The following HIVEP1 variants were observed in gnomAD, a reference collection of about 807,000 sequenced individuals.
HIVEP1 encodes zinc finger protein 40.
HIVEP1 carries 36 observed loss-of-function variants against 180.0 expected under a neutral mutation model. The observed-to-expected ratio is 0.20, with a 90% CI of 0.15 to 0.26. The LOEUF (loss-of-function observed/expected upper bound fraction) is 0.26. HIVEP1 is among the 10% of genes least tolerant of loss of function. The pLI is 1.00. For missense variants in HIVEP1, 3,143 were observed against 3,268.7 expected, an observed-to-expected ratio of 0.96 and a Z score of 0.94; for synonymous variants, 1,239 against 1,239.0, an observed-to-expected ratio of 1.00 and a Z score of 0.00.
chr6:12,083,298 T>C (rs968745030), intron 2 of HIVEP1, among the ~76,000 whole-genome samples: 1 of 152,196 alleles, frequency 6.6e-6, no homozygotes, highest in African/African-American at 2.4e-5. Flanking sequence ...CAACATTCTC[T>C]TGTATAGAAA....
chr6:12,041,579 A>C (rs1453333451), intron 2 of HIVEP1, among the ~76,000 whole-genome samples: 1 of 151,412 alleles, frequency 6.6e-6, no homozygotes, highest in African/African-American at 2.4e-5. Flanking sequence ...CATTACATGC[A>C]GATTTTAATT....
intron 3 of HIVEP1, among the ~76,000 whole-genome samples, chr6:12,118,778 T>C (rs1270233749): frequency 6.6e-6 from 1 of 152,244 alleles, no homozygotes; most frequent in Non-Finnish European, 1.5e-5. Flanking sequence ...TTTCATAATT[T>C]TCTGTTCATT....
At position 12,122,236 on chromosome 6, in the gene HIVEP1, T is replaced by C; in HGVS notation, c.2441T>C (p.Phe814Ser). 1 of 1,614,240 alleles carries C rather than the reference T, an allele frequency of 6.2e-7. No individual in the cohort carries two copies. Among genetic ancestry groups the C allele is most frequent in the Non-Finnish European group, 8.5e-7 (1 of 1,180,036 alleles). Residue 814 changes from phenylalanine to serine, a missense_variant, in exon 4 of 9, where the codon TTC becomes TCC. Phe to Ser is a radical substitution (Grantham distance 155). Around this residue, in one of 12 missense-constraint regions of HIVEP1, gnomAD observed 204 missense variants for 243.7 expected, o/e 0.84. Transcript: ENST00000379388. The part of the protein sequence containing the change: ...SSSSDIPKSP[F>S]TPTEKSKQVF... The stretch of plus-strand genomic sequence containing the variant: ...AGCTCTGATATACCGAAGTCACCTT[T>C]CACCCCTACTGAAAAATCAAAGCAA...
intron 2 of HIVEP1, among the ~76,000 whole-genome samples, chr6:12,054,233 T>C (rs77708625): frequency 0.011 from 1,682 of 152,348 alleles, 34 homozygotes; most frequent in African/African-American, 0.038. Context: ...CCAAGGTTTA[T>C]GCTGTGGAAA....
intron 2 of HIVEP1, among the ~76,000 whole-genome samples, chr6:12,032,189 G>T (rs1371506618): frequency 6.9e-6 from 1 of 145,380 alleles, no homozygotes; most frequent in Admixed American, 6.9e-5. Context: ...CGCCCAGGCT[G>T]GAGTGTAGTG....
intron 7 of HIVEP1, among the ~76,000 whole-genome samples, chr6:12,136,464 A>G (rs1310078647): frequency 1.3e-5 from 2 of 152,140 alleles, no homozygotes; most frequent in Non-Finnish European, 2.9e-5. Context: ...TGCAGGAAAC[A>G]ATTCTTCCCT....
rs752653367 is a variant in HIVEP1, at chr6:12,124,767, A to G, written c.4972A>G (p.Ile1658Val). The G allele has an allele frequency of 1.1e-5, 18 of 1,614,182 alleles. No homozygotes were observed. Among genetic ancestry groups the G allele is most frequent in the Non-Finnish European group, 8.5e-6 (10 of 1,180,034 alleles). ...TGCTACACTCACATCCCTGCCACAA[A>G]TACTAGTGACCCAAGATCTGCCCAA... Reference protein sequence around the residue: ...CFATLTSLPQILVTQDLPNQP... With the variant: ...CFATLTSLPQVLVTQDLPNQP... The change falls in exon 4 of 9, where the codon ATA becomes GTA. Residue 1658 changes from isoleucine (I) to valine (V), a missense_variant. Coordinates refer to ENST00000379388, the MANE Select transcript of HIVEP1 (RefSeq NM_002114.4).
In HIVEP1 at chr6:12,123,103, C is replaced by T. The variant is rs1245841723; in HGVS notation, c.3308C>T (p.Thr1103Ile). 1 of 1,614,004 alleles carries T rather than the reference C, an allele frequency of 6.2e-7. No homozygotes were observed. The highest frequency in any genetic ancestry group is 8.5e-7 in the Non-Finnish European group (1 of 1,180,008). ...CTTGTTGCCAGGGGCCCTGAGCAGA[C>T]CATGGATCCCAAGCTGTCGACCATC... ...IHLVARGPEQ[T>I]MDPKLSTIME... The change falls in exon 4 of 9, where the codon ACC becomes ATC. Residue 1103 changes from threonine (T) to isoleucine (I), a missense_variant. Around this residue, in one of 12 missense-constraint regions of HIVEP1, gnomAD observed 1,357 missense variants for 1,260.5 expected, o/e 1.08. Transcript: ENST00000379388.
chr6:12,034,933 G>A (rs1369710565), intron 2 of HIVEP1, among the ~76,000 whole-genome samples: 1 of 152,162 alleles, frequency 6.6e-6, no homozygotes, highest in Non-Finnish European at 1.5e-5. Flanking sequence ...AATGTAGTTG[G>A]AAAAATAATG....
At chr6:12,035,603 C>T (rs1017344634) in intron 2 of HIVEP1, among the ~76,000 whole-genome samples, 1 of 152,080 alleles carries the variant, frequency 6.6e-6, no homozygotes, top group Admixed American at 6.6e-5. Flanking sequence ...TATTTTTTAA[C>T]ATTTAATCGT....
Position 12,161,803 on chromosome 6 carries a change from T to G in HIVEP1, c.6852T>G (p.Asp2284Glu), listed in dbSNP as rs371440064. 41 of 1,614,056 alleles carry G rather than the reference T, an allele frequency of 2.5e-5. No individual in the cohort carries two copies. The African/African-American group carries it at 3.9e-4, about 15-fold the overall frequency. ...AGGCCAGGCAGCGTGCTGCGAGAGA[T>G]GAAAACGACACAATTCCGTCTGTAG... ...PGKARQRAARDENDTIPSVDT... is the reference protein window; with the variant it reads ...PGKARQRAAREENDTIPSVDT... The change falls in exon 8 of 9, where the codon GAT becomes GAG. Residue 2284 changes from aspartate to glutamate, a missense_variant. Physicochemically the swap from Asp to Glu is conservative, Grantham distance 45. This residue lies in a region of HIVEP1 where 595 missense variants were observed against 602.2 expected (regional missense o/e 0.99). Coordinates refer to ENST00000379388, the MANE Select transcript of HIVEP1 (RefSeq NM_002114.4).
downstream of HIVEP1, among the ~76,000 whole-genome samples, chr6:12,169,034 C>T (rs1051146591): frequency 6.6e-6 from 1 of 152,116 alleles, no homozygotes. Flanking sequence ...ATTGCAGGCA[C>T]ACACCACCAC....
intron 2 of HIVEP1, among the ~76,000 whole-genome samples, chr6:12,032,287 C>A (rs145995464): frequency 6.6e-6 from 1 of 151,760 alleles, no homozygotes; most frequent in Non-Finnish European, 1.5e-5. Flanking sequence ...ACTACAAGAG[C>A]GCCACCATGC....
At chr6:12,043,229 C>G (rs528975614) in intron 2 of HIVEP1, among the ~76,000 whole-genome samples, 2 of 152,166 alleles carry the variant, frequency 1.3e-5, no homozygotes, top group East Asian at 3.9e-4. Flanking sequence ...ATTCTCAAGT[C>G]TCTGTTTTTA....
At position 12,104,430 on chromosome 6, in the gene HIVEP1, T is replaced by C. The variant is rs1381141636; in HGVS notation, c.94+15193T>C. On this transcript the variant is annotated intron_variant, in intron 3 of 8. Transcript: ENST00000379388. ...TCTCTCTCTCCTTTTCTTTCCTTTT[T>C]TTTTTTTTTTTTTTTTTTTCTGAGA... Among the ~76,000 whole-genome samples, 12 of 119,668 alleles carry C rather than the reference T, an allele frequency of 1.0e-4. No individual in the cohort carries two copies. The East Asian group carries it at 1.5e-3, about 15-fold the overall frequency. The allele number at this position is 119,668 out of a possible 152,430, so 78.5% of individuals were successfully genotyped here. A position where few individuals can be genotyped will look rare whatever the true frequency, so the allele number is the denominator to read the frequency against.
intron 3 of HIVEP1, among the ~76,000 whole-genome samples, chr6:12,113,670 C>A (rs1301901847): frequency 1.3e-5 from 2 of 152,184 alleles, no homozygotes; most frequent in African/African-American, 4.8e-5. Context: ...AATACCTTTT[C>A]CATCCTATCT....
intron 2 of HIVEP1, among the ~76,000 whole-genome samples, chr6:12,019,909 G>A (rs1292198036): frequency 1.3e-5 from 2 of 152,192 alleles, no homozygotes; most frequent in Non-Finnish European, 2.9e-5. Flanking sequence ...ACATATTAAA[G>A]TATTAGGCAA....
At chr6:12,156,768 G>A (rs1437316767) in intron 7 of HIVEP1, among the ~76,000 whole-genome samples, 1 of 152,120 alleles carries the variant, frequency 6.6e-6, no homozygotes, top group Non-Finnish European at 1.5e-5. Context: ...CTCAGAATAT[G>A]GTATGTACTG....
chr6:12,114,179 A>C (rs1290020721), intron 3 of HIVEP1, among the ~76,000 whole-genome samples: 1 of 152,032 alleles, frequency 6.6e-6, no homozygotes, highest in Admixed American at 6.6e-5. Flanking sequence ...GCGCGTCCTC[A>C]TGCCCTCCTT....
Sources: gnomAD v4.1 joint callset for allele counts (sites outside exome capture counted in the v4.1 genomes callset) on GRCh38, gnomAD v4.1.1 for gene constraint, gnomAD v4.1.1 regional missense constraint, MANE v1.5 for transcripts, NCBI Gene and HGNC (gene_info 2026-07-23, HGNC 2026-07-21) for gene names.